The following IL1RAPL1 variants were observed in gnomAD, a reference collection of about 807,000 sequenced individuals.
IL1RAPL1 encodes interleukin 1 receptor accessory protein like 1, also known as interleukin-1 receptor accessory protein-like 1.
In IL1RAPL1, 3 loss-of-function variants were observed where a neutral mutation model predicts 48.4. That is an observed-to-expected ratio of 0.06 (90% confidence interval 0.03 to 0.16). The LOEUF (loss-of-function observed/expected upper bound fraction) is 0.16, where lower values mean the gene tolerates loss of function less well. Among genes scored for constraint, IL1RAPL1 ranks in the 10% least tolerant of loss-of-function variants. IL1RAPL1 has a pLI of 1.00. For missense variants in IL1RAPL1, 349 were observed against 530.6 expected (o/e 0.66, Z 3.36); for synonymous variants, 185 against 187.7 (o/e 0.99, Z 0.12).
At chrX:28,672,216 A>C (rs996118516) in intron 1 of IL1RAPL1, among the ~76,000 whole-genome samples, 3 of 110,970 alleles carry the variant, frequency 2.7e-5, no homozygotes, top group African/African-American at 6.6e-5. Flanking sequence ...TGAAGGAAGG[A>C]AAGAATGTTA....
chrX:28,660,660 A>G (rs1039721598), intron 1 of IL1RAPL1, among the ~76,000 whole-genome samples: 1 of 111,711 alleles, frequency 9.0e-6, no homozygotes, highest in African/African-American at 3.3e-5. Context: ...TTAAGAAGGG[A>G]TTATTTTCTA....
intron 1 of IL1RAPL1, among the ~76,000 whole-genome samples, chrX:28,652,523 G>A (rs1031064028): frequency 3.6e-5 from 4 of 111,245 alleles, no homozygotes; most frequent in African/African-American, 6.5e-5. Context: ...AGTCTGATTT[G>A]GAAGCCAACT....
chrX:29,070,452 T>G (rs1927542452), intron 2 of IL1RAPL1, among the ~76,000 whole-genome samples: 1 of 111,887 alleles, frequency 8.9e-6, no homozygotes, highest in Admixed American at 9.6e-5. Context: ...GAACAGAGGC[T>G]CTGAAACTAA....
At chrX:28,908,807 T>C (rs1218363660) in intron 2 of IL1RAPL1, among the ~76,000 whole-genome samples, 1 of 112,161 alleles carries the variant, frequency 8.9e-6, no homozygotes, top group Non-Finnish European at 1.9e-5. Context: ...CCAACTTTAA[T>C]AGTGGATTTA....
intron 6 of IL1RAPL1, among the ~76,000 whole-genome samples, chrX:29,911,478 T>G (rs912707710): frequency 4.5e-5 from 5 of 112,082 alleles, no homozygotes; most frequent in African/African-American, 1.6e-4. Flanking sequence ...TGTATCTCAG[T>G]AAAGCTATTA....
At chrX:28,892,492 C>T (rs927726521) in intron 2 of IL1RAPL1, among the ~76,000 whole-genome samples, 10 of 111,437 alleles carry the variant, frequency 9.0e-5, no homozygotes, top group Middle Eastern at 4.6e-3. Flanking sequence ...TTTTGTGATT[C>T]TTCAGTTACT....
chrX:29,802,938 C>CATATATACATATATGTGTAT (rs1233395027), intron 6 of IL1RAPL1, among the ~76,000 whole-genome samples: 1 of 46,614 alleles, frequency 2.1e-5, no homozygotes, highest in Non-Finnish European at 3.8e-5. Flanking sequence ...TATATGTGTA[C>CATATATACATATATGTGTAT]ATATGTATGC....
At chrX:29,131,434 G>C (rs890613570) in intron 2 of IL1RAPL1, among the ~76,000 whole-genome samples, 2 of 110,334 alleles carry the variant, frequency 1.8e-5, no homozygotes. Context: ...AGTATAGAGG[G>C]GGGTATTTTT....
At chrX:29,260,450 T>G (rs1368410895) in intron 2 of IL1RAPL1, among the ~76,000 whole-genome samples, 1 of 112,020 alleles carries the variant, frequency 8.9e-6, no homozygotes, top group African/African-American at 3.2e-5. Context: ...ACAAAACAGC[T>G]TGTGCTGGGA....
At chrX:29,001,522 A>T in intron 2 of IL1RAPL1, among the ~76,000 whole-genome samples, 1 of 112,156 alleles carries the variant, frequency 8.9e-6, no homozygotes, top group East Asian at 2.8e-4. Flanking sequence ...CACAGAGGAA[A>T]AAAAATGGTG....
chrX:29,564,395 A>G (rs1922333721), intron 5 of IL1RAPL1, among the ~76,000 whole-genome samples: 2 of 112,878 alleles, frequency 1.8e-5, no homozygotes, highest in South Asian at 7.3e-4. Flanking sequence ...GATGATAGCA[A>G]TCAACAAAAT....
intron 2 of IL1RAPL1, among the ~76,000 whole-genome samples, chrX:28,905,718 G>C (rs1476031919): frequency 2.7e-5 from 3 of 111,831 alleles, no homozygotes; most frequent in African/African-American, 9.7e-5. Context: ...AAGAACAATT[G>C]CAAAAACCTC....
chrX:29,639,989 C>T (rs759229717), intron 5 of IL1RAPL1, among the ~76,000 whole-genome samples: 2 of 111,304 alleles, frequency 1.8e-5, no homozygotes, highest in East Asian at 2.8e-4. Context: ...CTCTCTTGAT[C>T]GCTAGTCCAG....
intron 2 of IL1RAPL1, among the ~76,000 whole-genome samples, chrX:29,252,728 A>C (rs1406926296): frequency 9.0e-6 from 1 of 111,320 alleles, no homozygotes; most frequent in Non-Finnish European, 1.9e-5. Context: ...TTCATATATG[A>C]GTATGTTTTT....
intron 2 of IL1RAPL1, among the ~76,000 whole-genome samples, chrX:29,139,624 C>T (rs774174602): frequency 1.8e-5 from 2 of 111,385 alleles, no homozygotes; most frequent in Non-Finnish European, 3.8e-5. Context: ...TTACTTCTCT[C>T]TCATTTTACA....
At chrX:29,703,413 G>C (rs1367991021) in intron 6 of IL1RAPL1, among the ~76,000 whole-genome samples, 4 of 110,501 alleles carry the variant, frequency 3.6e-5, no homozygotes, top group Non-Finnish European at 7.6e-5. Flanking sequence ...CGTGATCTCC[G>C]CTCACTGCAA....
chrX:29,350,570 A>AGTG (rs1349536105), intron 3 of IL1RAPL1, among the ~76,000 whole-genome samples: 5 of 104,784 alleles, frequency 4.8e-5, no homozygotes, highest in Non-Finnish European at 3.9e-5. Context: ...GGTGTGTCTG[A>AGTG]GTGGTTCCAG....
At chrX:28,806,931 T>C (rs566922745) in intron 2 of IL1RAPL1, among the ~76,000 whole-genome samples, 3 of 111,246 alleles carry the variant, frequency 2.7e-5, no homozygotes, top group African/African-American at 6.5e-5. Context: ...GTTGGGACCT[T>C]GTAAACCCTC....
chrX:28,969,052 A>G (rs1303533355), intron 2 of IL1RAPL1, among the ~76,000 whole-genome samples: 1 of 112,515 alleles, frequency 8.9e-6, no homozygotes, highest in African/African-American at 3.2e-5. Context: ...TGACATCTGT[A>G]TCAAACCCGT....
Sources: allele counts gnomAD v4.1 joint callset (sites outside exome capture counted in the v4.1 genomes callset), GRCh38; gene constraint gnomAD v4.1.1; transcripts MANE v1.5; gene names NCBI Gene and HGNC (gene_info 2026-07-23, HGNC 2026-07-21).